ITCH: variants seen among roughly 807,000 people sequenced by gnomAD.
The protein encoded by ITCH is itchy E3 ubiquitin protein ligase, also known as E3 ubiquitin-protein ligase Itchy homolog.
ITCH carries 28 observed loss-of-function variants against 126.8 expected under a neutral mutation model. The ratio of observed to expected loss-of-function variants is 0.22; its 90% CI spans 0.16 to 0.30. ITCH has a LOEUF of 0.30. ITCH is among the 10% of genes least tolerant of loss of function. The pLI is 1.00. For missense variants in ITCH, 631 were observed against 1,032.4 expected (o/e 0.61, Z 5.33); for synonymous variants, 342 against 340.0 (o/e 1.01, Z -0.06).
intron 2 of ITCH, among the ~76,000 whole-genome samples, chr20:34,381,483 A>G (rs1031363747): frequency 3.9e-4 from 59 of 151,314 alleles, no homozygotes; most frequent in Middle Eastern, 3.4e-3. Context: ...CTGGAGTGCA[A>G]TGGCGCGATC....
intron 2 of ITCH, among the ~76,000 whole-genome samples, chr20:34,377,145 G>T (rs2037877684): frequency 6.6e-6 from 1 of 152,106 alleles, no homozygotes; most frequent in East Asian, 1.9e-4. Context: ...AGGCTGAGGT[G>T]GGCGGATCAC....
chr20:34,420,788 C>T (rs943757099), intron 6 of ITCH, among the ~76,000 whole-genome samples: 2 of 151,982 alleles, frequency 1.3e-5, no homozygotes, highest in Non-Finnish European at 2.9e-5. Context: ...GTTTGTTCTT[C>T]GATTGCAAGT....
chr20:34,450,447 G>GTT (rs1985054556), intron 12 of ITCH, among the ~76,000 whole-genome samples: 1 of 152,176 alleles, frequency 6.6e-6, no homozygotes, highest in Admixed American at 6.5e-5. Context: ...AGCATGTGCT[G>GTT]TTATTGAGTA....
At chr20:34,383,362 ATTTTTTTTT>A (rs34783163) in intron 2 of ITCH, among the ~76,000 whole-genome samples, 1 of 109,496 alleles carries the variant, frequency 9.1e-6, no homozygotes, top group Non-Finnish European at 1.8e-5. Flanking sequence ...GGCTTGATAG[ATTTTTTTTT>A]TTTTTTTTTT....
rs2037683066 is a variant in ITCH, at chr20:34,372,601, C to T, written c.-22+3131C>T. ...TTCACCGTGCTAGCCAGGATGGTCT[C>T]GATCTCCTGACCTCGTGATCTGCCT... is the stretch of plus-strand genomic sequence containing the variant. On this transcript the variant is annotated intron_variant, in intron 2 of 24. Transcript: ENST00000374864. Among the ~76,000 whole-genome samples, 4 of 151,812 alleles carry T rather than the reference C, an allele frequency of 2.6e-5. No individual in the cohort carries two copies. The South Asian group carries it at 8.3e-4, about 32-fold the overall frequency.
At chr20:34,391,689 A>G (rs1247902995) in intron 2 of ITCH, among the ~76,000 whole-genome samples, 1 of 152,198 alleles carries the variant, frequency 6.6e-6, no homozygotes, top group African/African-American at 2.4e-5. Context: ...GTATATGTAC[A>G]TAAATTATTG....
At position 34,504,332 on chromosome 20, in the gene ITCH, G is replaced by A; in HGVS notation, c.2418G>A (p.Gly806=). The part of the protein sequence containing the change: ...LPVGGFADLM[G]SNGPQKFCIE... ...GTTTATGATTTCATTATGTTTTAGG[G>A]AGCAATGGACCACAGAAATTCTGCA... Residue 806 remains glycine (G), a splice_region_variant and synonymous_variant, in exon 24 of 25, where the codon GGG becomes GGA. Coordinates refer to ENST00000374864, the MANE Select transcript of ITCH (RefSeq NM_031483.7). 1 of 1,611,590 alleles carries A rather than the reference G, an allele frequency of 6.2e-7. No individual in the cohort carries two copies. Among genetic ancestry groups the A allele is most frequent in the Non-Finnish European group, 8.5e-7 (1 of 1,177,734 alleles).
intron 22 of ITCH, among the ~76,000 whole-genome samples, chr20:34,492,248 G>T (rs1569000774): frequency 6.6e-6 from 1 of 152,072 alleles, no homozygotes; most frequent in East Asian, 1.9e-4. Flanking sequence ...GATTTGAAAT[G>T]AGCTAGATAC....
chr20:34,372,398 T>TTTTTTTTTTTTTTTTA (rs1568853572), intron 2 of ITCH, among the ~76,000 whole-genome samples: 1 of 142,674 alleles, frequency 7.0e-6, no homozygotes, highest in East Asian at 2.1e-4. Context: ...TTTTTTTTTT[T>TTTTTTTTTTTTTTTTA]GAGAGGGAAT....
At chr20:34,481,953 G>A (rs1301413922) in intron 20 of ITCH, among the ~76,000 whole-genome samples, 1 of 152,214 alleles carries the variant, frequency 6.6e-6, no homozygotes. Context: ...GGGGATTGCA[G>A]TGAGCCAGGA....
chr20:34,408,539 A>G, intron 3 of ITCH, 112 bp from the exon 4 acceptor site: 1 of 1,001,152 alleles, frequency 1.0e-6, no homozygotes, highest in Non-Finnish European at 1.5e-6. Context: ...TTTTAGAGCA[A>G]AACTGCTTCT....
chr20:34,400,581 C>A (rs1457572208), intron 3 of ITCH, among the ~76,000 whole-genome samples: 1 of 149,438 alleles, frequency 6.7e-6, no homozygotes, highest in Non-Finnish European at 1.5e-5. Context: ...GGGAAGTAAT[C>A]AGTGTTTGTA....
intron 11 of ITCH, among the ~76,000 whole-genome samples, chr20:34,446,875 G>T (rs994385703): frequency 5.9e-5 from 9 of 152,130 alleles, no homozygotes; most frequent in African/African-American, 2.2e-4. Context: ...ACCTCATCAA[G>T]ACTTATTTCC....
At chr20:34,449,604 G>T (rs994829995) in intron 12 of ITCH, 124 bp downstream of exon 12, 53 of 682,868 alleles carry the variant, frequency 7.8e-5, no homozygotes, top group Non-Finnish European at 1.1e-4. Flanking sequence ...TGTCTGGGAA[G>T]TTTTTTTTTA....
At chr20:34,407,484 G>A (rs1978322661) in intron 3 of ITCH, among the ~76,000 whole-genome samples, 1 of 152,092 alleles carries the variant, frequency 6.6e-6, no homozygotes, top group Non-Finnish European at 1.5e-5. Context: ...GGCCAGGCTG[G>A]TCTTAAACTC....
At chr20:34,423,534 CT>C (rs1229303966) in intron 6 of ITCH, among the ~76,000 whole-genome samples, 1 of 152,094 alleles carries the variant, frequency 6.6e-6, no homozygotes, top group Admixed American at 6.5e-5. Flanking sequence ...GATCATTTTT[CT>C]TTCTCTTTCC....
intron 12 of ITCH, among the ~76,000 whole-genome samples, chr20:34,451,484 G>A (rs1054074894): frequency 2.6e-5 from 4 of 151,998 alleles, no homozygotes; most frequent in Admixed American, 2.6e-4. Context: ...AGCAAGTTGT[G>A]AATTTCTGTC....
chr20:34,486,603 G>T (rs111396686), intron 20 of ITCH, among the ~76,000 whole-genome samples: 2,963 of 152,162 alleles, frequency 0.019, 91 homozygotes, highest in African/African-American at 0.059. Flanking sequence ...CTGGATTACA[G>T]GCATGAGCCA....
At chr20:34,410,583 T>C (rs937392164) in intron 4 of ITCH, among the ~76,000 whole-genome samples, 2 of 152,068 alleles carry the variant, frequency 1.3e-5, no homozygotes, top group Admixed American at 1.3e-4. Context: ...CTGCACATGT[T>C]TGCAATCCCA....
Sources: gnomAD v4.1 joint callset for allele counts (sites outside exome capture counted in the v4.1 genomes callset) on GRCh38, gnomAD v4.1.1 for gene constraint, MANE v1.5 for transcripts, NCBI Gene and HGNC (gene_info 2026-07-23, HGNC 2026-07-21) for gene names.